TAFA4: variants seen among roughly 807,000 people sequenced by gnomAD.
TAFA4 encodes TAFA chemokine like family member 4, also known as chemokine-like protein TAFA-4.
A neutral mutation model predicts 21.1 loss-of-function variants in TAFA4; 20 were observed. The ratio of observed to expected loss-of-function variants is 0.95; its 90% CI spans 0.67 to 1.38. The LOEUF (loss-of-function observed/expected upper bound fraction) is 1.38, where lower values mean the gene tolerates loss of function less well. Ranked by LOEUF, TAFA4 falls within the 40% of genes most tolerant of loss-of-function variation. The pLI is 0.00. For synonymous variants in TAFA4, 71 were observed against 67.4 expected (o/e 1.05, Z -0.26); for missense variants, 211 against 180.9 (o/e 1.17, Z -0.95).
At chr3:68,813,415 C>A (rs1241759271) in intron 3 of TAFA4, among the ~76,000 whole-genome samples, 2 of 151,954 alleles carry the variant, frequency 1.3e-5, no homozygotes, top group South Asian at 2.1e-4. Context: ...AATTGATAGA[C>A]CACTAGCAAG....
chr3:68,778,740 T>C (rs1703096399), intron 3 of TAFA4, among the ~76,000 whole-genome samples: 1 of 152,230 alleles, frequency 6.6e-6, no homozygotes, highest in African/African-American at 2.4e-5. Flanking sequence ...CGTGGAACTG[T>C]AAATCCAATT....
chr3:68,870,309 A>G (rs964247556), intron 3 of TAFA4, among the ~76,000 whole-genome samples: 1 of 152,124 alleles, frequency 6.6e-6, no homozygotes, highest in African/African-American at 2.4e-5. Flanking sequence ...AATCTCTATC[A>G]AAAACCAGTA....
chr3:68,907,406 G>T (rs567608416), intron 1 of TAFA4, among the ~76,000 whole-genome samples: 42 of 152,276 alleles, frequency 2.8e-4, no homozygotes, highest in African/African-American at 9.1e-4. Flanking sequence ...TGTCAGGAAG[G>T]CAAAAGGCTA....
At chr3:68,739,040 C>T (rs747585066) in intron 5 of TAFA4, 35 bp downstream of exon 5, 1 of 1,610,122 alleles carries the variant, frequency 6.2e-7, no homozygotes, top group Non-Finnish European at 8.5e-7. Flanking sequence ...CAGTTGATAA[C>T]TTGTAAATTG....
At chr3:68,871,512 G>A (rs1575651082) in intron 3 of TAFA4, among the ~76,000 whole-genome samples, 4 of 152,058 alleles carry the variant, frequency 2.6e-5, no homozygotes, top group Admixed American at 2.6e-4. Context: ...TCAAGACATT[G>A]GTCCGGGCAA....
intron 5 of TAFA4, among the ~76,000 whole-genome samples, chr3:68,734,152 TTATG>T (rs1441167237): frequency 6.6e-6 from 1 of 152,200 alleles, no homozygotes; most frequent in African/African-American, 2.4e-5. Context: ...GTTCCAGACT[TTATG>T]TATAGATGGT....
intron 3 of TAFA4, among the ~76,000 whole-genome samples, chr3:68,867,224 T>C (rs2089431229): frequency 6.6e-6 from 1 of 152,056 alleles, no homozygotes; most frequent in Admixed American, 6.6e-5. Context: ...CTCTGAATCG[T>C]CTGGCAACAG....
chr3:68,909,529 G>A (rs1348456153), intron 1 of TAFA4, among the ~76,000 whole-genome samples: 1 of 152,122 alleles, frequency 6.6e-6, no homozygotes, highest in African/African-American at 2.4e-5. Flanking sequence ...CACCTCAAAA[G>A]ACTATGAATT....
At chr3:68,815,430 T>C (rs1486612616) in intron 3 of TAFA4, among the ~76,000 whole-genome samples, 1 of 152,108 alleles carries the variant, frequency 6.6e-6, no homozygotes, top group Non-Finnish European at 1.5e-5. Context: ...AAAGGGCTAA[T>C]ATCCAGAATC....
intron 4 of TAFA4, among the ~76,000 whole-genome samples, chr3:68,741,158 A>G (rs1702343892): frequency 6.6e-6 from 1 of 152,016 alleles, no homozygotes; most frequent in South Asian, 2.1e-4. Context: ...GAATTTTAGG[A>G]CTGTTTTTCT....
intron 1 of TAFA4, among the ~76,000 whole-genome samples, chr3:68,928,922 G>A (rs898454154): frequency 1.3e-5 from 2 of 151,478 alleles, no homozygotes; most frequent in Non-Finnish European, 2.9e-5. Flanking sequence ...GAAATCTGAG[G>A]TACTTTCTAG....
intron 3 of TAFA4, among the ~76,000 whole-genome samples, chr3:68,759,489 C>T (rs1318396417): frequency 6.6e-6 from 1 of 152,120 alleles, no homozygotes; most frequent in Non-Finnish European, 1.5e-5. Flanking sequence ...ACTTACTTCT[C>T]TAAAAAGGTA....
At chr3:68,845,635 A>G (rs113925587) in intron 3 of TAFA4, among the ~76,000 whole-genome samples, 20,010 of 152,174 alleles carry the variant, frequency 0.13, 1,681 homozygotes, top group African/African-American at 0.24. Context: ...ACAATTTGGC[A>G]TGTTTATGCA....
intron 1 of TAFA4, among the ~76,000 whole-genome samples, chr3:68,897,802 C>T (rs1168669023): frequency 6.6e-6 from 1 of 152,164 alleles, no homozygotes; most frequent in Non-Finnish European, 1.5e-5. Flanking sequence ...ATTGACTCCC[C>T]TTTTCTTTAC....
At chr3:68,851,753 C>T (rs759291179) in intron 3 of TAFA4, among the ~76,000 whole-genome samples, 39 of 151,940 alleles carry the variant, frequency 2.6e-4, no homozygotes, top group South Asian at 1.9e-3. Context: ...TTATAGTAGG[C>T]GGGAAAGAAT....
chr3:68,899,028 G>T (rs2089819495), intron 1 of TAFA4, among the ~76,000 whole-genome samples: 1 of 152,208 alleles, frequency 6.6e-6, no homozygotes, highest in Non-Finnish European at 1.5e-5. Flanking sequence ...TATTTCTCAG[G>T]TTGAGGATGC....
At chr3:68,807,181 G>A (rs1248748820) in intron 3 of TAFA4, among the ~76,000 whole-genome samples, 1 of 152,138 alleles carries the variant, frequency 6.6e-6, no homozygotes, top group Admixed American at 6.5e-5. Flanking sequence ...TCATGTGCCT[G>A]AAATTTCAAA....
intron 3 of TAFA4, among the ~76,000 whole-genome samples, chr3:68,860,737 T>C (rs995855930): frequency 3.3e-5 from 5 of 151,990 alleles, no homozygotes; most frequent in Admixed American, 2.6e-4. Flanking sequence ...TCAAAAAAAA[T>C]GCATTTCAAA....
chr3:68,746,660 A>AT (rs35379144), intron 4 of TAFA4, among the ~76,000 whole-genome samples: 14 of 151,886 alleles, frequency 9.2e-5, no homozygotes, highest in African/African-American at 1.7e-4. Context: ...AGCACTAACC[A>AT]TTTTTTTTAC....
Sources: allele counts gnomAD v4.1 joint callset (sites outside exome capture counted in the v4.1 genomes callset), GRCh38; gene constraint gnomAD v4.1.1; transcripts MANE v1.5; gene names NCBI Gene and HGNC (gene_info 2026-07-23, HGNC 2026-07-21).